The following NFIA variants were observed in gnomAD, a reference collection of about 807,000 sequenced individuals.
NFIA encodes the protein nuclear factor I A, also known as nuclear factor 1 A-type.
NFIA carries 8 observed loss-of-function variants against 62.8 expected under a neutral mutation model. The observed-to-expected ratio is 0.13, with a 90% CI of 0.07 to 0.23. NFIA has a LOEUF of 0.23. NFIA is among the 10% of genes least tolerant of loss of function. The pLI is 1.00. For synonymous variants in NFIA, 235 were observed against 238.1 expected, an observed-to-expected ratio of 0.99 and a Z score of 0.12; for missense variants, 410 against 642.1, an observed-to-expected ratio of 0.64 and a Z score of 3.91.
intron 2 of NFIA, among the ~76,000 whole-genome samples, chr1:61,185,809 A>G (rs79529781): frequency 0.16 from 23,624 of 151,974 alleles, 2,898 homozygotes; most frequent in African/African-American, 0.32. Context: ...CAGTTCGAAT[A>G]ATAGCCCTGT....
At chr1:61,348,823 T>C (rs1413574785) in intron 4 of NFIA, among the ~76,000 whole-genome samples, 5 of 152,040 alleles carry the variant, frequency 3.3e-5, no homozygotes, top group African/African-American at 1.2e-4. Context: ...AGCGAGGGAG[T>C]GAGGGCCAGA....
intron 2 of NFIA, among the ~76,000 whole-genome samples, chr1:61,133,783 C>T (rs1258998054): frequency 3.3e-5 from 5 of 152,112 alleles, no homozygotes; most frequent in East Asian, 1.9e-4. Context: ...TAGTGGGCTA[C>T]GATTGTGCCT....
chr1:61,350,659 A>G (rs1557724710), intron 4 of NFIA, among the ~76,000 whole-genome samples: 2 of 152,010 alleles, frequency 1.3e-5, no homozygotes, highest in African/African-American at 2.4e-5. Context: ...AGAAAGAAAA[A>G]CCTGCCAGAT....
At chr1:61,258,728 G>T (rs1414677) in intron 2 of NFIA, among the ~76,000 whole-genome samples, 6,626 of 149,696 alleles carry the variant, frequency 0.044, 455 homozygotes, top group African/African-American at 0.14. Context: ...AGGAAATGTG[G>T]TTTTTTTTTT....
intron 2 of NFIA, among the ~76,000 whole-genome samples, chr1:61,131,957 G>C (rs1647088156): frequency 6.6e-6 from 1 of 152,146 alleles, no homozygotes; most frequent in African/African-American, 2.4e-5. Context: ...CTCTACAGCT[G>C]ATACTTTGGT....
In NFIA at chr1:61,350,351, G is replaced by A. The variant is rs377173541; in HGVS notation, c.701-2099G>A. ...TTAAATAAACCTGCCAGATCCCACC[G>A]GGCACATGTTGGCTCATGCTTGTAA... is the stretch of plus-strand genomic sequence containing the variant. On this transcript the variant is annotated intron_variant, in intron 4 of 10. Transcript: ENST00000403491. 2.5e-4 allele frequency among the ~76,000 whole-genome samples: 38 copies of A among 150,794 alleles called. No individual in the cohort carries two copies. The South Asian group carries it at 7.6e-3, about 30-fold the overall frequency.
chr1:61,235,439 G>C (rs1654934929), intron 2 of NFIA, among the ~76,000 whole-genome samples: 1 of 147,766 alleles, frequency 6.8e-6, no homozygotes, highest in African/African-American at 2.5e-5. Flanking sequence ...CTCCAGCCTG[G>C]GCAACAGAGC....
At chr1:61,264,228 A>G (rs896506542) in intron 2 of NFIA, among the ~76,000 whole-genome samples, 12 of 152,302 alleles carry the variant, frequency 7.9e-5, no homozygotes, top group African/African-American at 2.2e-4. Context: ...AAAAGTTCCA[A>G]TCGCCCTCTT....
At chr1:61,301,569 TA>T (rs574923575) in intron 3 of NFIA, among the ~76,000 whole-genome samples, 40 of 152,340 alleles carry the variant, frequency 2.6e-4, no homozygotes, top group Non-Finnish European at 4.7e-4. Context: ...AGCTCCTGAA[TA>T]TAGGAAAAGC....
chr1:61,333,047 G>GCACACACACACACACACA (rs71050120), intron 4 of NFIA, among the ~76,000 whole-genome samples: 3 of 144,688 alleles, frequency 2.1e-5, no homozygotes, highest in Non-Finnish European at 1.5e-5. Flanking sequence ...TAGCATGCAC[G>GCACACACACACACACACA]CACACACACA....
At chr1:61,348,527 A>G (rs1435479834) in intron 4 of NFIA, among the ~76,000 whole-genome samples, 1 of 152,232 alleles carries the variant, frequency 6.6e-6, no homozygotes, top group Non-Finnish European at 1.5e-5. Context: ...AGTGGTTCAC[A>G]GGAAGTATAT....
Position 61,088,626 on chromosome 1 carries a change from G to A in NFIA, c.505G>A (p.Gly169Arg), listed in dbSNP as rs1408588898. 2 of 1,614,098 alleles carry A rather than the reference G, an allele frequency of 1.2e-6. No individual in the cohort carries two copies. Among genetic ancestry groups the A allele is most frequent in the East Asian group, 2.2e-5 (1 of 44,878 alleles). The part of the protein sequence containing the change: ...PGLCVQPHHI[G>R]VSVKELDLYL... The stretch of plus-strand genomic sequence containing the variant: ...GCTCTGTGTCCAACCCCATCACATA[G>A]GGGTTTCTGTTAAGGAACTCGATTT... Residue 169 changes from glycine (G) to arginine (R), a missense_variant, in exon 2 of 11, where the codon GGG becomes AGG. Gly to Arg is a moderately radical substitution (Grantham distance 125, BLOSUM62 -2). Around this residue, in one of 3 missense-constraint regions of NFIA, gnomAD observed 298 missense variants for 438.1 expected, o/e 0.68. Transcript: ENST00000403491. This position sits in a 1 kb window ranked among gnomAD's most constrained non-coding sequence, Gnocchi z 4.5.
intron 6 of NFIA, 51 bp downstream of exon 6, chr1:61,359,325 T>TA (rs773243205): frequency 2.5e-6 from 4 of 1,610,792 alleles, no homozygotes; most frequent in Non-Finnish European, 3.4e-6. Context: ...AAACTGAAAA[T>TA]ACGTGTGGGG....
intron 5 of NFIA, among the ~76,000 whole-genome samples, chr1:61,354,125 T>C: frequency 6.6e-6 from 1 of 152,198 alleles, no homozygotes; most frequent in East Asian, 1.9e-4. Flanking sequence ...TTTTATTATC[T>C]TTTGTGACTC....
intron 3 of NFIA, among the ~76,000 whole-genome samples, chr1:61,323,708 CTAAAT>C (rs1660790170): frequency 6.6e-6 from 1 of 152,122 alleles, no homozygotes; most frequent in African/African-American, 2.4e-5. Context: ...CCAAGATAAT[CTAAAT>C]TAAGAGTACA....
intron 2 of NFIA, among the ~76,000 whole-genome samples, chr1:61,156,893 G>A (rs1168675625): frequency 5.9e-5 from 9 of 152,236 alleles, no homozygotes; most frequent in Non-Finnish European, 1.3e-4. Flanking sequence ...TAAACCTTGT[G>A]TGGGGCTGCC....
chr1:61,397,695 T>C (rs536083658), intron 7 of NFIA, among the ~76,000 whole-genome samples: 1 of 152,296 alleles, frequency 6.6e-6, no homozygotes, highest in South Asian at 2.1e-4. Context: ...AAAACTGAGT[T>C]GTAGAGAAGC....
chr1:61,147,237 G>A (rs553385555), intron 2 of NFIA, among the ~76,000 whole-genome samples: 6 of 151,648 alleles, frequency 4.0e-5, no homozygotes, highest in South Asian at 4.2e-4. Flanking sequence ...TGCAACCTCC[G>A]CCTCCTGAGT....
At chr1:61,252,784 G>A (rs1656127670) in intron 2 of NFIA, among the ~76,000 whole-genome samples, 1 of 152,124 alleles carries the variant, frequency 6.6e-6, no homozygotes, top group Non-Finnish European at 1.5e-5. Flanking sequence ...AAATGTTTAA[G>A]GTGCATATGT....
Sources: allele counts gnomAD v4.1 joint callset (sites outside exome capture counted in the v4.1 genomes callset), GRCh38; gene constraint gnomAD v4.1.1; regional missense constraint gnomAD v4.1.1; non-coding constraint Gnocchi (gnomAD v3.1); transcripts MANE v1.5; gene names NCBI Gene and HGNC (gene_info 2026-07-23, HGNC 2026-07-21).